Variants in TRPC5 observed in about 807,000 individuals in gnomAD.
TRPC5 encodes transient receptor potential cation channel subfamily C member 5, also known as short transient receptor potential channel 5.
A neutral mutation model predicts 56.5 loss-of-function variants in TRPC5; 9 were observed. The observed-to-expected ratio is 0.16, with a 90% CI of 0.10 to 0.28. The LOEUF is 0.28. Ranked by LOEUF, TRPC5 falls within the 10% of genes least tolerant of loss-of-function variation. The pLI is 1.00. For missense variants in TRPC5, 469 were observed against 748.9 expected (o/e 0.63, Z 4.36); for synonymous variants, 282 against 278.5 (o/e 1.01, Z -0.13).
At chrX:112,060,549 G>C (rs767527545) in intron 1 of TRPC5, among the ~76,000 whole-genome samples, 2 of 111,513 alleles carry the variant, frequency 1.8e-5, no homozygotes, top group Non-Finnish European at 3.8e-5. Context: ...TCTTTTCTGA[G>C]GTTATCTGAG....
At chrX:112,023,883 C>A (rs1929350262) in intron 1 of TRPC5, among the ~76,000 whole-genome samples, 1 of 111,589 alleles carries the variant, frequency 9.0e-6, no homozygotes, top group South Asian at 3.8e-4. Flanking sequence ...ATGGTGAGAT[C>A]AGCCCAAATA....
intron 1 of TRPC5, among the ~76,000 whole-genome samples, chrX:112,060,872 C>T (rs1209135888): frequency 2.7e-5 from 3 of 112,499 alleles, no homozygotes; most frequent in East Asian, 2.8e-4. Flanking sequence ...CACGCCTCTA[C>T]AGTTCCTCTG....
chrX:111,905,860 A>T (rs1336866387), intron 3 of TRPC5, among the ~76,000 whole-genome samples: 1 of 102,716 alleles, frequency 9.7e-6, no homozygotes, highest in Non-Finnish European at 2.0e-5. Flanking sequence ...GCTTGCAGTG[A>T]GCCAAGATCG....
chrX:111,818,738 G>A (rs1921939769), intron 7 of TRPC5, among the ~76,000 whole-genome samples: 2 of 108,214 alleles, frequency 1.8e-5, no homozygotes, highest in African/African-American at 6.7e-5. Context: ...CAAGTAGCTG[G>A]GATTACAGGT....
intron 7 of TRPC5, among the ~76,000 whole-genome samples, chrX:111,799,344 C>G (rs1407318705): frequency 9.0e-6 from 1 of 111,279 alleles, no homozygotes; most frequent in Admixed American, 9.7e-5. Context: ...TCAGGAAGTA[C>G]CTTGCTAGTA....
chrX:111,928,196 T>C (rs1926311583), intron 2 of TRPC5, among the ~76,000 whole-genome samples: 1 of 111,667 alleles, frequency 9.0e-6, no homozygotes, highest in Non-Finnish European at 1.9e-5. Context: ...CAATTGATTA[T>C]TCAGTACACA....
At chrX:111,887,243 G>A (rs993598679) in intron 3 of TRPC5, among the ~76,000 whole-genome samples, 2 of 112,756 alleles carry the variant, frequency 1.8e-5, no homozygotes, top group Non-Finnish European at 3.7e-5. Flanking sequence ...TAGTTAGGAA[G>A]AAACAAATAA....
chrX:112,009,826 T>C (rs190699105), intron 1 of TRPC5, among the ~76,000 whole-genome samples: 3 of 110,453 alleles, frequency 2.7e-5, no homozygotes, highest in East Asian at 5.8e-4. Context: ...AAGGGGAGCA[T>C]CACACACCGG....
chrX:112,074,190 C>G (rs1334342917), intron 1 of TRPC5, among the ~76,000 whole-genome samples: 1 of 110,559 alleles, frequency 9.0e-6, no homozygotes. Flanking sequence ...TGTACCTAAC[C>G]ACAGTGCTAC....
chrX:112,061,406 T>A (rs1429760774), intron 1 of TRPC5, among the ~76,000 whole-genome samples: 4 of 111,402 alleles, frequency 3.6e-5, no homozygotes, highest in Admixed American at 9.5e-5. Flanking sequence ...GAGTTGAAAC[T>A]AAGGGAGAAT....
chrX:111,949,986 T>C (rs753598806), intron 2 of TRPC5, among the ~76,000 whole-genome samples: 2 of 109,914 alleles, frequency 1.8e-5, no homozygotes, highest in East Asian at 2.8e-4. Flanking sequence ...AACTGTGGCA[T>C]ATATATATAT....
intron 1 of TRPC5, among the ~76,000 whole-genome samples, chrX:111,963,491 C>T (rs192060596): frequency 1.4e-4 from 16 of 112,085 alleles, no homozygotes; most frequent in African/African-American, 3.6e-4. Flanking sequence ...TCTCCCAGCA[C>T]GCAGCTGGAG....
chrX:111,882,480 C>T (rs1223531743), intron 3 of TRPC5, among the ~76,000 whole-genome samples: 3 of 112,548 alleles, frequency 2.7e-5, no homozygotes, highest in South Asian at 3.6e-4. Flanking sequence ...GTGATCCTTA[C>T]GAAAGAGTAG....
chrX:111,800,129 C>T (rs1324834708), intron 7 of TRPC5, among the ~76,000 whole-genome samples: 1 of 110,727 alleles, frequency 9.0e-6, no homozygotes, highest in Non-Finnish European at 1.9e-5. Flanking sequence ...CCTGCCTCTT[C>T]TGCCTCCCAT....
intron 3 of TRPC5, among the ~76,000 whole-genome samples, chrX:111,886,912 G>T (rs1198902434): frequency 8.9e-6 from 1 of 112,988 alleles, no homozygotes; most frequent in Non-Finnish European, 1.9e-5. Context: ...GCAGAATGCA[G>T]CAGCTTCTGG....
chrX:111,824,094 G>A (rs1922114147), intron 7 of TRPC5, among the ~76,000 whole-genome samples: 1 of 109,960 alleles, frequency 9.1e-6, no homozygotes, highest in African/African-American at 3.3e-5. Context: ...AGCTGGGCAT[G>A]GTGGCTTGCA....
chrX:111,934,401 C>A (rs1926506950), intron 2 of TRPC5, among the ~76,000 whole-genome samples: 1 of 110,680 alleles, frequency 9.0e-6, no homozygotes, highest in Admixed American at 9.7e-5. Flanking sequence ...TACAAGCATA[C>A]CATGCATAAT....
At chrX:111,893,466 A>T (rs1421631257) in intron 3 of TRPC5, among the ~76,000 whole-genome samples, 2 of 111,799 alleles carry the variant, frequency 1.8e-5, no homozygotes, top group Non-Finnish European at 3.8e-5. Context: ...GAAACACTGT[A>T]TCTGTCTAGG....
At chrX:111,901,254 T>A (rs1925328017) in intron 3 of TRPC5, among the ~76,000 whole-genome samples, 1 of 111,375 alleles carries the variant, frequency 9.0e-6, no homozygotes, top group South Asian at 3.8e-4. Flanking sequence ...TGACAGACCC[T>A]GCGTGAGTGT....
Sources: gnomAD v4.1 joint callset for allele counts (sites outside exome capture counted in the v4.1 genomes callset) on GRCh38, gnomAD v4.1.1 for gene constraint, MANE v1.5 for transcripts, NCBI Gene and HGNC (gene_info 2026-07-23, HGNC 2026-07-21) for gene names.